Variants in KIFBP observed in about 807,000 individuals in gnomAD.
KIFBP encodes the protein kinesin family binding protein.
In KIFBP, 46 loss-of-function variants were observed where a neutral mutation model predicts 58.9. That is an observed-to-expected ratio of 0.78 (90% CI 0.62 to 1.00). KIFBP has a LOEUF of 1.00. Ranked by LOEUF, KIFBP falls within the 50% of genes least tolerant of loss-of-function variation. The probability of loss-of-function intolerance (pLI) is 0.00; values close to 1 mark genes in which losing one functional copy is unlikely to be tolerated. For missense variants in KIFBP, 651 were observed against 752.9 expected (o/e 0.86, Z 1.58); for synonymous variants, 241 against 283.4 (o/e 0.85, Z 1.50).
chr10:68,989,286 C>T (rs752219178), intron 1 of KIFBP, 28 bp downstream of exon 1: 4 of 1,609,556 alleles, frequency 2.5e-6, no homozygotes, highest in African/African-American at 1.3e-5. Context: ...CAGGCCGGCC[C>T]CTGTTGGCAA....
chr10:68,997,126 A>G (rs918168610), intron 1 of KIFBP, among the ~76,000 whole-genome samples: 56 of 152,324 alleles, frequency 3.7e-4, no homozygotes, highest in African/African-American at 1.3e-3. Context: ...CCAGGACTAT[A>G]GGTCATACTG....
At chr10:68,995,133 C>A (rs916382089) in intron 1 of KIFBP, 2 of 152,152 alleles carry the variant, frequency 1.3e-5, no homozygotes, top group Non-Finnish European at 2.9e-5. Flanking sequence ...ATCCTCCCAC[C>A]TCAGCCTCCT....
Position 69,005,123 on chromosome 10 carries a change from A to T in KIFBP, c.603A>T (p.Lys201Asn). The T allele has an allele frequency of 1.9e-6, 3 of 1,605,826 alleles. No individual in the cohort carries two copies. Among genetic ancestry groups the T allele is most frequent in the Non-Finnish European group, 2.6e-6 (3 of 1,172,482 alleles). ...AACTTACTGAACAAGAGAGATCAAA[A>T]AGGTGAGTAGGTATAGAAATCAGCC... ...EEKLTEQERSKRFEKVYTHNL... is the reference protein window; with the variant it reads ...EEKLTEQERSNRFEKVYTHNL... Residue 201 changes from lysine to asparagine, a missense_variant and splice_region_variant, in exon 3 of 7, where the codon AAA becomes AAT. Coordinates refer to ENST00000361983, the MANE Select transcript of KIFBP (RefSeq NM_015634.4).
In KIFBP at chr10:69,015,729, A is replaced by G; in HGVS notation, c.1179A>G (p.Arg393=). 1 of 1,614,234 alleles carries G rather than the reference A, an allele frequency of 6.2e-7. No individual in the cohort carries two copies. The stretch of plus-strand genomic sequence containing the variant: ...GACCTTTAGATTTTGAAGAAGCCAG[A>G]GAACTTTTCTTATTGGGTCAGCACT... ...YLRPLDFEEA[R]ELFLLGQHYV... is the part of the protein sequence containing the mutation. The change falls in exon 7 of 7, where the codon AGA becomes AGG. Residue 393 remains arginine (R), a synonymous_variant. Coordinates refer to ENST00000361983, the MANE Select transcript of KIFBP (RefSeq NM_015634.4).
chr10:69,003,841 G>T (rs542774061), intron 2 of KIFBP, among the ~76,000 whole-genome samples: 38 of 152,152 alleles, frequency 2.5e-4, no homozygotes, highest in Non-Finnish European at 1.0e-4. Flanking sequence ...TACTACTACT[G>T]TAGAAATATA....
chr10:68,990,077 TA>T (rs1843323368), intron 1 of KIFBP, among the ~76,000 whole-genome samples: 1 of 152,234 alleles, frequency 6.6e-6, no homozygotes, highest in South Asian at 2.1e-4. Context: ...GTTTGCATCT[TA>T]GGGAATTCTT....
rs915210553 is a variant in KIFBP, at chr10:68,994,644, T to C, written c.426+5386T>C. 2.0e-5 allele frequency among the ~76,000 whole-genome samples: 3 copies of C among 152,304 alleles called. No individual in the cohort carries two copies. In the East Asian group the frequency reaches 5.8e-4, roughly 29 times the overall value. ...AGATTGCTGTCCCCACTCCAGGTTA[T>C]ATATGTATAGGAGTACTTTTTGTTG... On this transcript the variant is annotated intron_variant, in intron 1 of 6. Coordinates refer to ENST00000361983, the MANE Select transcript of KIFBP (RefSeq NM_015634.4).
At chr10:68,991,333 T>C (rs572159462) in intron 1 of KIFBP, 7 of 255,098 alleles carry the variant, frequency 2.7e-5, no homozygotes, top group Non-Finnish European at 4.1e-5. Context: ...ACTATGTCAA[T>C]GGCAGCAATC....
rs1235831061 is a variant in KIFBP at position 69,015,624 on chromosome 10, T to C, written c.1074T>C (p.Ile358=). The C allele has an allele frequency of 6.2e-7, 1 of 1,613,870 alleles. No individual in the cohort carries two copies. The highest frequency in any genetic ancestry group is 2.2e-5 in the East Asian group (1 of 44,878). ...AAGAACTAGATGAGGAGGAAAGCATTCGGAAAAAAGCTGTGCAGTTTGGAA... is the reference window on the plus strand; with the variant it reads ...AAGAACTAGATGAGGAGGAAAGCATCCGGAAAAAAGCTGTGCAGTTTGGAA... ...RKKELDEEES[I]RKKAVQFGTG... The change falls in exon 7 of 7, where the codon ATT becomes ATC. Residue 358 remains isoleucine, a synonymous_variant. Coordinates refer to ENST00000361983, the MANE Select transcript of KIFBP (RefSeq NM_015634.4).
At chr10:69,004,045 C>G (rs999989270) in intron 2 of KIFBP, among the ~76,000 whole-genome samples, 1 of 151,772 alleles carries the variant, frequency 6.6e-6, no homozygotes, top group Non-Finnish European at 1.5e-5. Context: ...CATGGAGAAA[C>G]CCCGTCTCTA....
chr10:68,992,619 AG>A (rs1241771763), intron 1 of KIFBP, among the ~76,000 whole-genome samples: 1 of 152,116 alleles, frequency 6.6e-6, no homozygotes, highest in East Asian at 1.9e-4. Context: ...TAGGATCCTT[AG>A]GTTGATGCTG....
rs1333213586 is a variant in KIFBP at position 69,016,466 on chromosome 10, C to A, written c.*50C>A. 3.1e-6 allele frequency: 5 copies of A among 1,589,426 alleles called. No individual in the cohort carries two copies. Among genetic ancestry groups the A allele is most frequent in the African/African-American group, 1.3e-5 (1 of 74,638 alleles). On this transcript the variant is annotated 3_prime_UTR_variant, in exon 7 of 7. Transcript: ENST00000361983. The stretch of plus-strand genomic sequence containing the variant: ...GTGCAATATTGAAGTGATCTTTTTC[C>A]CTAGTCAGACAGGCCCAATTCCATT...
chr10:68,998,460 A>G (rs1352512645), intron 1 of KIFBP, among the ~76,000 whole-genome samples: 3 of 151,970 alleles, frequency 2.0e-5, no homozygotes, highest in African/African-American at 7.3e-5. Context: ...TACTGCTACA[A>G]TTTATTTCCT....
In KIFBP at chr10:69,005,765, C is replaced by T; in HGVS notation, c.639C>T (p.Tyr213=). 1 of 1,613,172 alleles carries T rather than the reference C, an allele frequency of 6.2e-7. No individual in the cohort carries two copies. The highest frequency in any genetic ancestry group is 8.5e-7 in the Non-Finnish European group (1 of 1,179,288). ...AGGTTTATACTCATAACCTATATTA[C>T]CTAGCTCAAGTCTACCAGCATCTGG... ...FEKVYTHNLY[Y]LAQVYQHLEM... The change falls in exon 4 of 7, where the codon TAC becomes TAT. Residue 213 remains tyrosine, a synonymous_variant. Coordinates refer to ENST00000361983, the MANE Select transcript of KIFBP (RefSeq NM_015634.4).
In KIFBP at chr10:68,990,910, A is replaced by G. The variant is rs74616911; in HGVS notation, c.426+1652A>G. 2.2e-3 allele frequency among the ~76,000 whole-genome samples: 336 copies of G among 152,290 alleles called. 2 individuals are homozygous for G. Among genetic ancestry groups the G allele is most frequent in the African/African-American group, 7.6e-3 (315 of 41,546 alleles). On this transcript the variant is annotated intron_variant, in intron 1 of 6. Coordinates refer to ENST00000361983, the MANE Select transcript of KIFBP (RefSeq NM_015634.4). Reference sequence around the variant, plus strand: ...GAACAGTACACAATTATTAAAAATAATAATTTATATTAACAAAAATTGGCA... The same window carrying G: ...GAACAGTACACAATTATTAAAAATAGTAATTTATATTAACAAAAATTGGCA...
At chr10:69,005,414 A>G (rs973705471) in intron 3 of KIFBP, among the ~76,000 whole-genome samples, 12 of 152,208 alleles carry the variant, frequency 7.9e-5, no homozygotes, top group Admixed American at 3.9e-4. Flanking sequence ...ACGGTGGCTT[A>G]CACCTGTAAT....
At chr10:68,992,166 G>A (rs958950378) in intron 1 of KIFBP, among the ~76,000 whole-genome samples, 23 of 151,972 alleles carry the variant, frequency 1.5e-4, no homozygotes, top group African/African-American at 5.3e-4. Context: ...GCTAATTTTT[G>A]TATTTTTAGA....
chr10:68,995,331 T>C (rs1284958652), intron 1 of KIFBP: 2 of 152,212 alleles, frequency 1.3e-5, no homozygotes, highest in Non-Finnish European at 2.9e-5. Context: ...TGAAATCATA[T>C]TGTATATACT....
chr10:69,014,763 A>T (rs1191381914), intron 6 of KIFBP, among the ~76,000 whole-genome samples: 1 of 140,536 alleles, frequency 7.1e-6, no homozygotes, highest in Non-Finnish European at 1.5e-5. Flanking sequence ...TTTAACTAGG[A>T]AGGTAGATTT....
Sources: gnomAD v4.1 joint callset for allele counts (sites outside exome capture counted in the v4.1 genomes callset) on GRCh38, gnomAD v4.1.1 for gene constraint, MANE v1.5 for transcripts, NCBI Gene and HGNC (gene_info 2026-07-23, HGNC 2026-07-21) for gene names.